The following GALNT9 variants were observed in gnomAD, a reference collection of about 807,000 sequenced individuals.
The protein encoded by GALNT9 is GalNAc transferase 9.
In GALNT9, 47 loss-of-function variants were observed where a neutral mutation model predicts 63.1. The observed-to-expected ratio is 0.75, with a 90% CI of 0.59 to 0.95. The LOEUF is 0.95. GALNT9 is among the 40% of genes least tolerant of loss of function. The pLI, the probability that GALNT9 is intolerant of heterozygous loss-of-function variation, is 0.00. For missense variants in GALNT9, 829 were observed against 874.8 expected, an observed-to-expected ratio of 0.95 and a Z score of 0.66; for synonymous variants, 396 against 365.7, an observed-to-expected ratio of 1.08 and a Z score of -0.94.
chr12:132,198,868 T>A (rs1294869950), intron 9 of GALNT9, among the ~76,000 whole-genome samples: 1 of 152,226 alleles, frequency 6.6e-6, no homozygotes, highest in East Asian at 1.9e-4. Context: ...CCCAGACTGG[T>A]CTCAATTCCT....
At chr12:132,210,198 C>T (rs759186857) in intron 6 of GALNT9, among the ~76,000 whole-genome samples, 11 of 152,192 alleles carry the variant, frequency 7.2e-5, no homozygotes, top group Admixed American at 1.3e-4. Flanking sequence ...CACATCACAG[C>T]GAGAGGAGAG....
rs1277168913 is a variant in GALNT9, at chr12:132,243,349, G to A, written c.1077+4561C>T. Among the ~76,000 whole-genome samples the A allele has an allele frequency of 2.1e-5, 3 of 143,880 alleles. 1 individual carries two copies. Among genetic ancestry groups the A allele is most frequent in the Non-Finnish European group, 3.1e-5 (2 of 64,376 alleles). 94.4% of individuals were successfully genotyped at this position (143,880 alleles called of 152,430 possible). A position where few individuals can be genotyped will look rare whatever the true frequency, so the allele number is the denominator to read the frequency against. On this transcript the variant is annotated intron_variant, in intron 6 of 10. Coordinates refer to ENST00000328957, the MANE Select transcript of GALNT9 (RefSeq NM_001122636.2). Reference sequence around the variant, plus strand: ...CACACCCTTCCCGGGGGGCCATCAGGGCCCCCAGTGGCCTCAGTGTCCAGT... The same window carrying A: ...CACACCCTTCCCGGGGGGCCATCAGAGCCCCCAGTGGCCTCAGTGTCCAGT...
chr12:132,302,432 G>A (rs1290380912), intron 1 of GALNT9, among the ~76,000 whole-genome samples: 4 of 152,088 alleles, frequency 2.6e-5, no homozygotes, highest in African/African-American at 7.2e-5. Context: ...ATTTCCCCAC[G>A]TCACTAAAAA....
Position 132,203,499 on chromosome 12 carries a change from A to T in GALNT9, c.1263+6T>A. On this transcript the variant is annotated splice_donor_region_variant and intron_variant, in intron 7 of 10. Coordinates refer to ENST00000328957, the MANE Select transcript of GALNT9 (RefSeq NM_001122636.2). ...GGCCCCGGCTCCCGGCCTGTGGGGG[A>T]CTCACCGACATGGGGATGTTCCAGG... The T allele has an allele frequency of 6.2e-7, 1 of 1,612,982 alleles. No homozygotes were observed. Among genetic ancestry groups the T allele is most frequent in the South Asian group, 1.1e-5 (1 of 91,048 alleles).
chr12:132,197,105 G>C lies in GALNT9; in HGVS notation c.*2C>G. The C allele has an allele frequency of 1.2e-6, 2 of 1,614,008 alleles. No individual in the cohort carries two copies. Among genetic ancestry groups the C allele is most frequent in the Non-Finnish European group, 1.7e-6 (2 of 1,179,944 alleles). On this transcript the variant is annotated 3_prime_UTR_variant, in exon 11 of 11. Transcript: ENST00000328957. ...TCTGTGGGGGTCCGGGCGGAGGTGG[G>C]GTCAGTGCCGTGCGTGTTTGATCCA... is the stretch of plus-strand genomic sequence containing the variant.
chr12:132,226,591 C>T (rs1877698741), intron 6 of GALNT9, among the ~76,000 whole-genome samples: 1 of 145,578 alleles, frequency 6.9e-6, no homozygotes, highest in African/African-American at 2.6e-5. Flanking sequence ...CACACACATA[C>T]ACACCACACA....
chr12:132,225,363 C>T (rs967414662), intron 6 of GALNT9, among the ~76,000 whole-genome samples: 1 of 143,116 alleles, frequency 7.0e-6, no homozygotes, highest in Non-Finnish European at 1.5e-5. Context: ...TACCACACAA[C>T]TCACACCCCA....
intron 6 of GALNT9, among the ~76,000 whole-genome samples, chr12:132,240,236 G>C (rs1878194327): frequency 6.6e-6 from 1 of 152,104 alleles, no homozygotes; most frequent in Admixed American, 6.5e-5. Flanking sequence ...CTACAGGTCA[G>C]GGATCTGGAA....
Position 132,197,872 on chromosome 12 carries a change from C to A in GALNT9, c.1585G>T (p.Asp529Tyr). 6.2e-7 allele frequency: 1 copy of A among 1,611,278 alleles called. No individual in the cohort carries two copies. The highest frequency in any genetic ancestry group is 8.5e-7 in the Non-Finnish European group (1 of 1,179,332). Residue 529 changes from aspartate (D) to tyrosine (Y), a missense_variant, in exon 10 of 11, where the codon GAC becomes TAC. Physicochemically the swap from Asp to Tyr is radical, Grantham distance 160 (BLOSUM62 -3). Transcript: ENST00000328957. The stretch of plus-strand genomic sequence containing the variant: ...AGGGTGGGCATGCGGCCCGTGCCGT[C>A]ATCCACCAGACACTTGGAGTCAGGC... ...FLPDSKCLVD[D>Y]GTGRMPTLKK...
chr12:132,257,238 G>A (rs1218330462), intron 5 of GALNT9, among the ~76,000 whole-genome samples: 1 of 152,190 alleles, frequency 6.6e-6, no homozygotes, highest in Admixed American at 6.5e-5. Context: ...TTTGAATGAA[G>A]AAAAATAACC....
rs1236777925 is a variant in GALNT9, at chr12:132,310,263, C to A, written c.238+18703G>T. ...CCTCCAGGTCTCACCGGCCACACCG[C>A]GGTTCGGCATTTCAGTTGGGGTCGG... On this transcript the variant is annotated intron_variant, in intron 1 of 10. Coordinates refer to ENST00000328957, the MANE Select transcript of GALNT9 (RefSeq NM_001122636.2). This position sits in a 1 kb window ranked among gnomAD's most constrained non-coding sequence, Gnocchi z 4.8. 6.6e-6 allele frequency among the ~76,000 whole-genome samples: 1 copy of A among 152,092 alleles called. No individual in the cohort carries two copies. Among genetic ancestry groups the A allele is most frequent in the African/African-American group, 2.4e-5 (1 of 41,406 alleles).
intron 1 of GALNT9, among the ~76,000 whole-genome samples, chr12:132,290,235 GC>G (rs1435444530): frequency 4.9e-4 from 74 of 152,236 alleles, no homozygotes; most frequent in African/African-American, 1.7e-3. Flanking sequence ...CCAGGTGCCT[GC>G]CCCGTCTGCC....
intron 1 of GALNT9, among the ~76,000 whole-genome samples, chr12:132,289,521 G>C (rs1416650504): frequency 6.6e-6 from 1 of 152,232 alleles, no homozygotes; most frequent in Non-Finnish European, 1.5e-5. Flanking sequence ...GGACTTGGCA[G>C]ACGCCCCCTG....
chr12:132,214,441 C>G (rs1025137089), intron 6 of GALNT9, among the ~76,000 whole-genome samples: 9 of 152,234 alleles, frequency 5.9e-5, no homozygotes, highest in Non-Finnish European at 1.2e-4. Flanking sequence ...TGAGCACCCC[C>G]CCAGCGTCTT....
At chr12:132,298,112 C>T (rs965033285) in intron 1 of GALNT9, among the ~76,000 whole-genome samples, 6 of 152,092 alleles carry the variant, frequency 3.9e-5, no homozygotes, top group Non-Finnish European at 7.4e-5. Flanking sequence ...CCAAGTCATT[C>T]CCAAGATACC....
At chr12:132,239,552 A>C (rs1181853830) in intron 6 of GALNT9, among the ~76,000 whole-genome samples, 2 of 151,076 alleles carry the variant, frequency 1.3e-5, no homozygotes, top group African/African-American at 4.9e-5. Flanking sequence ...AGTCAGAGAC[A>C]GTCAGAGACA....
intron 6 of GALNT9, among the ~76,000 whole-genome samples, chr12:132,217,713 C>A (rs1178629958): frequency 1.3e-5 from 2 of 149,624 alleles, no homozygotes; most frequent in African/African-American, 2.5e-5. Context: ...ACTATCTATC[C>A]ATTCATCCAC....
At chr12:132,259,208 T>C (rs1017531611) in intron 4 of GALNT9, among the ~76,000 whole-genome samples, 15 of 152,202 alleles carry the variant, frequency 9.9e-5, no homozygotes, top group Non-Finnish European at 2.1e-4. Context: ...TATTTGCAGA[T>C]GGATAACTGG....
At chr12:132,219,415 G>A (rs973418010) in intron 6 of GALNT9, among the ~76,000 whole-genome samples, 2 of 152,232 alleles carry the variant, frequency 1.3e-5, no homozygotes, top group African/African-American at 2.4e-5. Context: ...AGCAGAAGCC[G>A]GCTGCAGTGA....
Sources: gnomAD v4.1 joint callset for allele counts (sites outside exome capture counted in the v4.1 genomes callset) on GRCh38, gnomAD v4.1.1 for gene constraint, Gnocchi (gnomAD v3.1) non-coding constraint, MANE v1.5 for transcripts, NCBI Gene and HGNC (gene_info 2026-07-23, HGNC 2026-07-21) for gene names.